SUGT1: variants seen among roughly 807,000 people sequenced by gnomAD.
The protein encoded by SUGT1 is SGT1 assembly cochaperone of MIS12 kinetochore complex, also known as protein SGT1 homolog.
A neutral mutation model predicts 56.1 loss-of-function variants in SUGT1; 15 were observed. That is an observed-to-expected ratio of 0.27 (90% CI 0.18 to 0.41). The LOEUF is 0.41. SUGT1 is among the 10% of genes least tolerant of loss of function. The pLI is 1.00. For synonymous variants in SUGT1, 123 were observed against 128.6 expected, an observed-to-expected ratio of 0.96 and a Z score of 0.30; for missense variants, 347 against 382.2, an observed-to-expected ratio of 0.91 and a Z score of 0.77.
Position 52,696,057 on chromosome 13 carries a change from C to T in SUGT1, c.*8222C>T, listed in dbSNP as rs1224766860. On this transcript the variant is annotated 3_prime_UTR_variant, in exon 13 of 13. Transcript: ENST00000310528. ...CATGTCATGAGCATGCTTGAGAGTG[C>T]TAATCTATTCCTTGTTTGTCAGACC... The T allele has an allele frequency of 1.3e-5, 2 of 152,184 alleles. No individual in the cohort carries two copies. The highest frequency in any genetic ancestry group is 2.9e-5 in the Non-Finnish European group (2 of 68,048). 9.4% of individuals were successfully genotyped at this position (152,184 alleles called of 1,614,324 possible).
rs185717907 is a variant in SUGT1 at position 52,666,126 on chromosome 13, C to G, written c.519+393C>G. Among the ~76,000 whole-genome samples the G allele has an allele frequency of 3.3e-5, 5 of 152,306 alleles. No individual in the cohort carries two copies. The South Asian group carries it at 1.0e-3, about 32-fold the overall frequency. ...TTTTTGAGACAGAGTCTCGCTCTTG[C>G]GTAGGCTGGAGTGCAGTGGCGCAAT... On this transcript the variant is annotated intron_variant, in intron 9 of 12. Coordinates refer to ENST00000310528, the MANE Select transcript of SUGT1 (RefSeq NM_006704.5).
intron 5 of SUGT1, among the ~76,000 whole-genome samples, chr13:52,662,361 G>T (rs1322508292): frequency 6.6e-6 from 1 of 152,210 alleles, no homozygotes; most frequent in Non-Finnish European, 1.5e-5. Context: ...TCTAAGAGCA[G>T]CGGGATTGGG....
intron 2 of SUGT1, among the ~76,000 whole-genome samples, chr13:52,653,386 A>AT (rs3837576): frequency 6.6e-6 from 1 of 151,640 alleles, no homozygotes; most frequent in Non-Finnish European, 1.5e-5. Flanking sequence ...GGCTGAAAGG[A>AT]TTTTTTTTTT....
chr13:52,691,711 C>T lies in SUGT1; in HGVS notation c.*3876C>T, dbSNP rs1963783653. The T allele has an allele frequency of 6.6e-6, 1 of 152,060 alleles. No homozygotes were observed. The highest frequency in any genetic ancestry group is 2.4e-5 in the African/African-American group (1 of 41,392). 9.4% of individuals were successfully genotyped at this position (152,060 alleles called of 1,614,324 possible). ...CTTTTGCTCATACCTGCTACTGTAA[C>T]CATATGACAGTATGGATTTAAGTTA... On this transcript the variant is annotated 3_prime_UTR_variant, in exon 13 of 13. Coordinates refer to ENST00000310528, the MANE Select transcript of SUGT1 (RefSeq NM_006704.5).
At chr13:52,679,241 A>G (rs1254491954) in intron 11 of SUGT1, among the ~76,000 whole-genome samples, 2 of 152,150 alleles carry the variant, frequency 1.3e-5, no homozygotes, top group Admixed American at 6.5e-5. Flanking sequence ...CTTTGGAGCA[A>G]TCTTGGCAGT....
chr13:52,665,544 G>T, intron 8 of SUGT1, 93 bp from the exon 9 acceptor site: 1 of 819,188 alleles, frequency 1.2e-6, no homozygotes, highest in Non-Finnish European at 1.9e-6. Context: ...CCTCCAGGTG[G>T]GGCTCTTGTT....
Position 52,695,549 on chromosome 13 carries a change from T to C in SUGT1, c.*7714T>C, listed in dbSNP as rs1400004349. 2 of 152,246 alleles carry C rather than the reference T, an allele frequency of 1.3e-5. No individual in the cohort carries two copies. Among genetic ancestry groups the C allele is most frequent in the East Asian group, 3.8e-4 (2 of 5,198 alleles). 9.4% of individuals were successfully genotyped at this position (152,246 alleles called of 1,614,324 possible). A position where few individuals can be genotyped will look rare whatever the true frequency, so the allele number is the denominator to read the frequency against. On this transcript the variant is annotated 3_prime_UTR_variant, in exon 13 of 13. Coordinates refer to ENST00000310528, the MANE Select transcript of SUGT1 (RefSeq NM_006704.5). ...GTTACCAATAAATGCTACTTAAATG[T>C]AAAGTCCTTGATTTATTTTTTCCCC...
chr13:52,655,371 C>T (rs953058627), intron 2 of SUGT1, among the ~76,000 whole-genome samples: 13 of 152,090 alleles, frequency 8.5e-5, no homozygotes, highest in Non-Finnish European at 1.5e-4. Flanking sequence ...ACAGGGTTTT[C>T]AGTTTTATCA....
Position 52,695,405 on chromosome 13 carries a change from A to G in SUGT1, c.*7570A>G, listed in dbSNP as rs953513603. On this transcript the variant is annotated 3_prime_UTR_variant, in exon 13 of 13. Coordinates refer to ENST00000310528, the MANE Select transcript of SUGT1 (RefSeq NM_006704.5). ...TTAAAATCCCAGTTCTGATACTTTCATAATTGTGTGTTTTGAGGGCAAGTG... is the reference window on the plus strand; with the variant it reads ...TTAAAATCCCAGTTCTGATACTTTCGTAATTGTGTGTTTTGAGGGCAAGTG... 6.6e-6 allele frequency: 1 copy of G among 152,168 alleles called. No homozygotes were observed. The highest frequency in any genetic ancestry group is 1.5e-5 in the Non-Finnish European group (1 of 68,030). The allele number at this position is 152,168 out of a possible 1,614,324, so 9.4% of individuals were successfully genotyped here. A position where few individuals can be genotyped will look rare whatever the true frequency, so the allele number is the denominator to read the frequency against.
At position 52,680,054 on chromosome 13, in the gene SUGT1, A is replaced by G; in HGVS notation, c.799A>G (p.Lys267Glu). Residue 267 changes from lysine (K) to glutamate (E), a missense_variant, in exon 12 of 13, where the codon AAG becomes GAG. Physicochemically the swap from Lys to Glu is moderately conservative, Grantham distance 56. Transcript: ENST00000310528. ...KLVGEIKEEEKNEKLEGDAAL... is the reference protein window; with the variant it reads ...KLVGEIKEEEENEKLEGDAAL... ...GGTTGGTGAGATCAAAGAAGAAGAAAAGAATGAAAAGTTGGAGGGAGATGC... is the reference window on the plus strand; with the variant it reads ...GGTTGGTGAGATCAAAGAAGAAGAAGAGAATGAAAAGTTGGAGGGAGATGC... 6.2e-7 allele frequency: 1 copy of G among 1,600,024 alleles called. No individual in the cohort carries two copies. Among genetic ancestry groups the G allele is most frequent in the Non-Finnish European group, 8.5e-7 (1 of 1,176,514 alleles).
Position 52,681,313 on chromosome 13 carries a change from G to A in SUGT1, c.900+1158G>A, listed in dbSNP as rs988525834. Among the ~76,000 whole-genome samples the A allele has an allele frequency of 2.6e-5, 4 of 151,612 alleles. No individual in the cohort carries two copies. In the South Asian group the frequency reaches 8.4e-4, roughly 32 times the overall value. ...TGTGTCTGTGGTCTTAGCTACTTGG[G>A]AAGGTGAGGTGGGAGGATCTCTTGA... On this transcript the variant is annotated intron_variant, in intron 12 of 12. Transcript: ENST00000310528.
At position 52,687,953 on chromosome 13, in the gene SUGT1, C is replaced by G; in HGVS notation, c.*118C>G. 1.8e-6 allele frequency: 1 copy of G among 569,200 alleles called. No individual in the cohort carries two copies. The highest frequency in any genetic ancestry group is 3.4e-5 in the South Asian group (1 of 29,704). 35.3% of individuals were successfully genotyped at this position (569,200 alleles called of 1,614,324 possible). On this transcript the variant is annotated 3_prime_UTR_variant, in exon 13 of 13. Transcript: ENST00000310528. ...TTTTTGAAAGATTATACTTCTTTAC[C>G]TCTTTGTGCTTTAGAAATTATTTTC...
chr13:52,693,298 T>C lies in SUGT1; in HGVS notation c.*5463T>C, dbSNP rs1388757172. The C allele has an allele frequency of 6.6e-6, 1 of 152,222 alleles. No individual in the cohort carries two copies. The highest frequency in any genetic ancestry group is 1.9e-4 in the East Asian group (1 of 5,200). 9.4% of individuals were successfully genotyped at this position (152,222 alleles called of 1,614,324 possible). A position where few individuals can be genotyped will look rare whatever the true frequency, so the allele number is the denominator to read the frequency against. On this transcript the variant is annotated 3_prime_UTR_variant, in exon 13 of 13. Transcript: ENST00000310528. Reference sequence around the variant, plus strand: ...AAGATGTTTCAGAAACACTGCTATTTACCTAAAGGTAATTTTCAGTTTCTT... The same window carrying C: ...AAGATGTTTCAGAAACACTGCTATTCACCTAAAGGTAATTTTCAGTTTCTT...
At position 52,693,083 on chromosome 13, in the gene SUGT1, G is replaced by A. The variant is rs1345888824; in HGVS notation, c.*5248G>A. ...CTCCAATAAAATTTGAATATTTCAG[G>A]TTATTTCCTTTTTCCTAACTTATGT... On this transcript the variant is annotated 3_prime_UTR_variant, in exon 13 of 13. Transcript: ENST00000310528. The A allele has an allele frequency of 2.0e-5, 3 of 151,176 alleles. No individual in the cohort carries two copies. Among genetic ancestry groups the A allele is most frequent in the Non-Finnish European group, 4.4e-5 (3 of 67,908 alleles). The allele number at this position is 151,176 out of a possible 1,614,324, so 9.4% of individuals were successfully genotyped here.
chr13:52,693,364 G>GT lies in SUGT1; in HGVS notation c.*5535dup, dbSNP rs1027615421. On this transcript the variant is annotated 3_prime_UTR_variant, in exon 13 of 13. Coordinates refer to ENST00000310528, the MANE Select transcript of SUGT1 (RefSeq NM_006704.5). ...AAATGGTCCTTAATACCTATATAGGGTTTTTTAAAAAACTGTACCCTATAA... is the reference window on the plus strand; with the variant it reads ...AAATGGTCCTTAATACCTATATAGGGTTTTTTTAAAAAACTGTACCCTATAA... The GT allele has an allele frequency of 1.3e-5, 2 of 152,070 alleles. No individual in the cohort carries two copies. Among genetic ancestry groups the GT allele is most frequent in the Non-Finnish European group, 2.9e-5 (2 of 67,996 alleles). 9.4% of individuals were successfully genotyped at this position (152,070 alleles called of 1,614,324 possible).
In SUGT1 at chr13:52,690,604, TGAATA is replaced by T. The variant is rs1471386396; in HGVS notation, c.*2775_*2779del. The T allele has an allele frequency of 3.3e-5, 5 of 152,206 alleles. No individual in the cohort carries two copies. Among genetic ancestry groups the T allele is most frequent in the African/African-American group, 1.2e-4 (5 of 41,454 alleles). 9.4% of individuals were successfully genotyped at this position (152,206 alleles called of 1,614,324 possible). A position where few individuals can be genotyped will look rare whatever the true frequency, so the allele number is the denominator to read the frequency against. Reference sequence around the variant, plus strand: ...TTCTCCCACTGTCTTCAAAGAATCTTGAATAGAATAATCTGCTTTTTGAACTCTGC... The same window carrying T: ...TTCTCCCACTGTCTTCAAAGAATCTTGAATAATCTGCTTTTTGAACTCTGC... On this transcript the variant is annotated 3_prime_UTR_variant, in exon 13 of 13. Transcript: ENST00000310528.
intron 12 of SUGT1, among the ~76,000 whole-genome samples, chr13:52,685,036 T>C (rs1963521878): frequency 6.7e-6 from 1 of 150,358 alleles, no homozygotes; most frequent in Non-Finnish European, 1.5e-5. Flanking sequence ...CCAAGGTCCC[T>C]GGTAGGTCTA....
intron 8 of SUGT1, 87 bp from the exon 9 acceptor site, chr13:52,665,550 T>C: frequency 1.1e-6 from 1 of 922,768 alleles, no homozygotes; most frequent in Non-Finnish European, 1.6e-6. Context: ...GGTGGGGCTC[T>C]TGTTGTTTAT....
Position 52,687,614 on chromosome 13 carries a change from T to G in SUGT1, c.901-120T>G, listed in dbSNP as rs1963646925. On this transcript the variant is annotated intron_variant, in intron 12 of 12. Transcript: ENST00000310528. The stretch of plus-strand genomic sequence containing the variant: ...CTATTATATATGTATTGCATAGAGT[T>G]TATATTGAGCTGTATATAATAGCCA... 1.5e-5 allele frequency: 8 copies of G among 533,580 alleles called. No homozygotes were observed. The East Asian group carries it at 2.6e-4, about 18-fold the overall frequency. 33.1% of individuals were successfully genotyped at this position (533,580 alleles called of 1,614,324 possible).
Sources: allele counts gnomAD v4.1 joint callset (sites outside exome capture counted in the v4.1 genomes callset), GRCh38; gene constraint gnomAD v4.1.1; transcripts MANE v1.5; gene names NCBI Gene and HGNC (gene_info 2026-07-23, HGNC 2026-07-21).